Variants in ZNF536 observed in about 807,000 individuals in gnomAD.
ZNF536 encodes zinc finger protein 536.
In ZNF536, 13 loss-of-function variants were observed where a neutral mutation model predicts 84.5. The ratio of observed to expected loss-of-function variants is 0.15; its 90% CI spans 0.10 to 0.24. The LOEUF (loss-of-function observed/expected upper bound fraction) is 0.24, where lower values mean the gene tolerates loss of function less well. Among genes scored for constraint, ZNF536 ranks in the 10% least tolerant of loss-of-function variants. ZNF536 has a pLI of 1.00. For synonymous variants in ZNF536, 811 were observed against 742.5 expected (o/e 1.09, Z -1.50); for missense variants, 1,536 against 1,747.5 (o/e 0.88, Z 2.16).
intron 1 of ZNF536, among the ~76,000 whole-genome samples, chr19:30,423,939 G>A (rs1203647818): frequency 6.6e-6 from 1 of 152,126 alleles, no homozygotes; most frequent in Non-Finnish European, 1.5e-5. Context: ...GGTCAAGCAT[G>A]GTGTCTTGAA....
chr19:30,345,053 G>A (rs137887221), intron 2 of ZNF536, among the ~76,000 whole-genome samples: 237 of 152,304 alleles, frequency 1.6e-3, no homozygotes, highest in Middle Eastern at 6.8e-3. Context: ...CTCGGTACCA[G>A]GCATATTATT....
In ZNF536 at chr19:30,445,118, A is replaced by C. The variant is rs1028160142; in HGVS notation, c.1556A>C (p.Asn519Thr). Residue 519 changes from asparagine (N) to threonine (T), a missense_variant, in exon 2 of 5, where the codon AAC becomes ACC. Asn to Thr is a moderately conservative substitution (Grantham distance 65). Coordinates refer to ENST00000355537, the MANE Select transcript of ZNF536 (RefSeq NM_014717.3). This position sits in a 1 kb window ranked among gnomAD's most constrained non-coding sequence, Gnocchi z 4.5. ...AAGGCTGCGGAGATGGACCCCGTGAACAGCTACCAGGCTTGGCAGCTCATG... is the reference window on the plus strand; with the variant it reads ...AAGGCTGCGGAGATGGACCCCGTGACCAGCTACCAGGCTTGGCAGCTCATG... ...AAKAAEMDPV[N>T]SYQAWQLMAR... 6.2e-7 allele frequency: 1 copy of C among 1,613,836 alleles called. No homozygotes were observed. Among genetic ancestry groups the C allele is most frequent in the African/African-American group, 1.3e-5 (1 of 74,948 alleles).
upstream of ZNF536, among the ~76,000 whole-genome samples, chr19:30,226,113 G>A (rs1408185474): frequency 1.3e-5 from 2 of 151,810 alleles, no homozygotes; most frequent in Non-Finnish European, 2.9e-5. The surrounding 1 kb of genome is among the most constrained non-coding windows in gnomAD (Gnocchi z 4.6). Context: ...CGCCCGGCGC[G>A]CGATCGGGAC....
chr19:30,430,637 C>T (rs2147968620), intron 1 of ZNF536, among the ~76,000 whole-genome samples: 1 of 152,310 alleles, frequency 6.6e-6, no homozygotes. Flanking sequence ...GAGTTCCCAA[C>T]AGGGGAAATG....
At position 30,548,100 on chromosome 19, in the gene ZNF536, C is replaced by A. The variant is rs1246889055; in HGVS notation, c.2481C>A (p.Ser827Arg). 6.2e-7 allele frequency: 1 copy of A among 1,614,010 alleles called. No individual in the cohort carries two copies. Among genetic ancestry groups the A allele is most frequent in the Non-Finnish European group, 8.5e-7 (1 of 1,179,996 alleles). The change falls in exon 4 of 5, where the codon AGC (serine) becomes AGA (arginine). Residue 827 changes from serine to arginine, a missense_variant. Physicochemically the swap from Ser to Arg is moderately radical, Grantham distance 110. Transcript: ENST00000355537. ...AAGACCACAAGGATGAGATGTCAAG[C>A]AAAGCTTCTCTGTTCATCAGGCCAG... ...PNQDHKDEMS[S>R]KASLFIRPDI...
intron 1 of ZNF536, among the ~76,000 whole-genome samples, chr19:30,273,758 T>C (rs1030208190): frequency 2.6e-5 from 4 of 152,266 alleles, no homozygotes; most frequent in Admixed American, 6.5e-5. Context: ...CAGTGGCTTT[T>C]ATTTTTATGT....
At chr19:30,308,483 C>G (rs919950957) in intron 2 of ZNF536, among the ~76,000 whole-genome samples, 1 of 152,116 alleles carries the variant, frequency 6.6e-6, no homozygotes, top group African/African-American at 2.4e-5. Flanking sequence ...AAAGCTGGCA[C>G]TCAACTCTAG....
exon 2 of ZNF536, chr19:30,710,766 C>T (rs2052431216): frequency 6.6e-6 from 1 of 152,238 alleles, no homozygotes; most frequent in South Asian, 2.1e-4. Flanking sequence ...GGTCACAGGC[C>T]TTTCCAGTGC....
chr19:30,292,002 C>CAGGCA (rs2045856085), intron 2 of ZNF536, among the ~76,000 whole-genome samples: 1 of 152,216 alleles, frequency 6.6e-6, no homozygotes, highest in Non-Finnish European at 1.5e-5. Flanking sequence ...TGCATTGACA[C>CAGGCA]TACAAAGGCA....
chr19:30,576,192 G>C (rs1000930037), intron 1 of ZNF536, among the ~76,000 whole-genome samples: 4 of 152,220 alleles, frequency 2.6e-5, no homozygotes, highest in Non-Finnish European at 4.4e-5. Context: ...GATTTGGAGA[G>C]AGCAGGCTGC....
intron 2 of ZNF536, among the ~76,000 whole-genome samples, chr19:30,341,622 C>A (rs1223641200): frequency 6.6e-6 from 1 of 151,940 alleles, no homozygotes; most frequent in Non-Finnish European, 1.5e-5. Flanking sequence ...CCAGGGCAGC[C>A]CCCCTCATCT....
chr19:30,675,008 G>C (rs189187764), intron 1 of ZNF536, among the ~76,000 whole-genome samples: 1 of 152,134 alleles, frequency 6.6e-6, no homozygotes, highest in African/African-American at 2.4e-5. Context: ...GTGGCTGAGA[G>C]GCTCTGTTTC....
upstream of ZNF536, among the ~76,000 whole-genome samples, chr19:30,225,926 G>A (rs1302781138): frequency 5.8e-5 from 8 of 138,390 alleles, no homozygotes; most frequent in Admixed American, 5.1e-4. Context: ...GTTGGCGAGA[G>A]AAGCTGTCAG....
chr19:30,439,557 G>A (rs141322511), intron 1 of ZNF536, among the ~76,000 whole-genome samples: 15 of 152,212 alleles, frequency 9.9e-5, no homozygotes, highest in South Asian at 6.2e-4. Flanking sequence ...GCTCTAAGTC[G>A]AGCAGCAGGC....
intron 1 of ZNF536, among the ~76,000 whole-genome samples, chr19:30,677,290 C>T (rs998697761): frequency 1.1e-4 from 17 of 152,202 alleles, no homozygotes; most frequent in African/African-American, 3.9e-4. Flanking sequence ...ACCTGCTTCT[C>T]GGTTTCTTAT....
chr19:30,652,061 G>C (rs1407253408), intron 1 of ZNF536, among the ~76,000 whole-genome samples: 1 of 152,122 alleles, frequency 6.6e-6, no homozygotes, highest in African/African-American at 2.4e-5. Context: ...CCAAGGCCAG[G>C]CCAGAGGATC....
At chr19:30,671,899 G>A (rs2050570589) in intron 1 of ZNF536, among the ~76,000 whole-genome samples, 1 of 152,182 alleles carries the variant, frequency 6.6e-6, no homozygotes, top group Admixed American at 6.5e-5. Context: ...ATCTCTGGGA[G>A]GGTCTGTGGC....
intron 1 of ZNF536, among the ~76,000 whole-genome samples, chr19:30,434,260 G>T (rs192660401): frequency 3.5e-4 from 54 of 152,250 alleles, no homozygotes; most frequent in African/African-American, 1.2e-3. Context: ...ATTTTTAGGG[G>T]GTGACCCTCT....
chr19:30,650,059 A>T (rs1275661315), intron 1 of ZNF536, among the ~76,000 whole-genome samples: 1 of 152,228 alleles, frequency 6.6e-6, no homozygotes, highest in Non-Finnish European at 1.5e-5. Flanking sequence ...TCAAATTAGG[A>T]GCTGCAGAAA....
Sources: gnomAD v4.1 joint callset for allele counts (sites outside exome capture counted in the v4.1 genomes callset) on GRCh38, gnomAD v4.1.1 for gene constraint, Gnocchi (gnomAD v3.1) non-coding constraint, MANE v1.5 for transcripts, NCBI Gene and HGNC (gene_info 2026-07-23, HGNC 2026-07-21) for gene names.